COL14A1: variants seen among roughly 807,000 people sequenced by gnomAD.
COL14A1 encodes the protein collagen type XIV alpha 1 chain.
A neutral mutation model predicts 230.3 loss-of-function variants in COL14A1; 136 were observed. The observed-to-expected ratio is 0.59, with a 90% CI of 0.51 to 0.68. The LOEUF (loss-of-function observed/expected upper bound fraction) is 0.68, where lower values mean the gene tolerates loss of function less well. Ranked by LOEUF, COL14A1 falls within the 30% of genes least tolerant of loss-of-function variation. The pLI is 0.00. For missense variants in COL14A1, 1,976 were observed against 2,215.8 expected (o/e 0.89, Z 2.17); for synonymous variants, 792 against 784.1 (o/e 1.01, Z -0.17).
Position 120,243,934 on chromosome 8 carries a change from C to G in COL14A1, c.2405C>G (p.Thr802Ser). ...CTTCTGAAGCCTCTGCTTCCTGATA[C>G]TGAATACAAAGTCACAGTGACTCCC... ...NLLLKPLLPD[T>S]EYKVTVTPIY... The change falls in exon 20 of 48, where the codon ACT (threonine) becomes AGT (serine). Residue 802 changes from threonine (T) to serine (S), a missense_variant. This residue lies in a region of COL14A1 where 1,791 missense variants were observed against 2,019.5 expected (regional missense o/e 0.89). Transcript: ENST00000297848. 6.2e-7 allele frequency: 1 copy of G among 1,613,622 alleles called. No homozygotes were observed. The highest frequency in any genetic ancestry group is 8.5e-7 in the Non-Finnish European group (1 of 1,179,726).
At chr8:120,326,913 C>T (rs1384793152) in intron 40 of COL14A1, among the ~76,000 whole-genome samples, 1 of 152,066 alleles carries the variant, frequency 6.6e-6, no homozygotes, top group African/African-American at 2.4e-5. Context: ...GTAATCCCAG[C>T]TACTCAGGAG....
chr8:120,316,524 GT>G (rs1334918820), intron 40 of COL14A1, among the ~76,000 whole-genome samples: 4 of 152,056 alleles, frequency 2.6e-5, no homozygotes, highest in Admixed American at 6.6e-5. Context: ...AGTCAATAAG[GT>G]TTTACTGAAC....
intron 8 of COL14A1, among the ~76,000 whole-genome samples, 156 bp from the exon 9 acceptor site, chr8:120,203,553 G>T (rs1051388366): frequency 6.6e-6 from 1 of 151,876 alleles, no homozygotes; most frequent in African/African-American, 2.4e-5. Flanking sequence ...TTTCGTGTGC[G>T]CATTTTAAAT....
intron 4 of COL14A1, among the ~76,000 whole-genome samples, chr8:120,163,489 T>C (rs976426994): frequency 3.3e-5 from 5 of 152,096 alleles, no homozygotes; most frequent in African/African-American, 1.2e-4. Context: ...ACAGGCTGGG[T>C]GCGTTGACTC....
At chr8:120,343,067 C>G (rs1822367942) in intron 44 of COL14A1, among the ~76,000 whole-genome samples, 1 of 152,294 alleles carries the variant, frequency 6.6e-6, no homozygotes, top group Middle Eastern at 3.4e-3. Context: ...TGTCCCATTT[C>G]TTCATTTTAC....
At chr8:120,297,241 C>A (rs2130002897) in intron 34 of COL14A1, among the ~76,000 whole-genome samples, 1 of 151,874 alleles carries the variant, frequency 6.6e-6, no homozygotes, top group Non-Finnish European at 1.5e-5. Context: ...AACAGAGGAG[C>A]TAAGCTTACT....
chr8:120,247,014 G>A (rs76461739), intron 20 of COL14A1, among the ~76,000 whole-genome samples: 3,953 of 152,250 alleles, frequency 0.026, 74 homozygotes, highest in Non-Finnish European at 0.032. Context: ...TAATAAACAC[G>A]ATTGAATTCA....
At chr8:120,192,707 T>C (rs1350963673) in intron 5 of COL14A1, among the ~76,000 whole-genome samples, 5 of 152,140 alleles carry the variant, frequency 3.3e-5, no homozygotes, top group Non-Finnish European at 1.5e-5. Context: ...TTTGGTCTTT[T>C]CACGTAGTCC....
chr8:120,357,903 A>G (rs1457819671), intron 45 of COL14A1, among the ~76,000 whole-genome samples: 1 of 152,224 alleles, frequency 6.6e-6, no homozygotes, highest in Non-Finnish European at 1.5e-5. Flanking sequence ...GTTTTTGAAG[A>G]CTACTAATAC....
chr8:120,338,158 G>T (rs1431595256), intron 42 of COL14A1, among the ~76,000 whole-genome samples: 2 of 152,040 alleles, frequency 1.3e-5, no homozygotes, highest in East Asian at 3.9e-4. Flanking sequence ...AAAATGTATT[G>T]GTGCAGAAAT....
intron 14 of COL14A1, among the ~76,000 whole-genome samples, chr8:120,216,859 G>A (rs908445777): frequency 6.6e-6 from 1 of 152,190 alleles, no homozygotes; most frequent in African/African-American, 2.4e-5. Flanking sequence ...GTTGGCTCAG[G>A]AGTCCCATGA....
Position 120,250,720 on chromosome 8 carries a change from C to T in COL14A1, c.2706C>T (p.Ser902=), listed in dbSNP as rs1262216000. 6 of 1,614,204 alleles carry T rather than the reference C, an allele frequency of 3.7e-6. No individual in the cohort carries two copies. Among genetic ancestry groups the T allele is most frequent in the Non-Finnish European group, 5.1e-6 (6 of 1,180,044 alleles). The change falls in exon 22 of 48, where the codon TCC becomes TCT. Residue 902 remains serine, a synonymous_variant. Transcript: ENST00000297848. ...GMDYNVKIFA[S]QASGFSDALT... ...ACTACAATGTGAAGATATTTGCCTCCCAGGCCTCAGGCTTCAGCGACGCCC... is the reference window on the plus strand; with the variant it reads ...ACTACAATGTGAAGATATTTGCCTCTCAGGCCTCAGGCTTCAGCGACGCCC...
intron 5 of COL14A1, among the ~76,000 whole-genome samples, chr8:120,172,762 C>A (rs1315554390): frequency 6.6e-6 from 1 of 152,146 alleles, no homozygotes; most frequent in Non-Finnish European, 1.5e-5. Flanking sequence ...TTTTTCTAGT[C>A]CAGCAATTTG....
Position 120,208,280 on chromosome 8 carries a change from T to C in COL14A1, c.1240T>C (p.Ser414Pro). Residue 414 changes from serine (S) to proline (P), a missense_variant, in exon 11 of 48, where the codon TCT (serine) becomes CCT (proline). By Grantham distance (74) the Ser-to-Pro change is moderately conservative (BLOSUM62 -1). This residue lies in a region of COL14A1 where 1,791 missense variants were observed against 2,019.5 expected (regional missense o/e 0.89). Transcript: ENST00000297848. ...VSSTVLKNLM[S>P]LTEYQIAVFA... is the part of the protein sequence containing the mutation. ...TTCCACAGTGTTGAAAAACTTGATG[T>C]CTTTAACTGAATATCAGATAGCAGT... The C allele has an allele frequency of 5.0e-6, 8 of 1,613,666 alleles. No homozygotes were observed. Among genetic ancestry groups the C allele is most frequent in the Non-Finnish European group, 6.8e-6 (8 of 1,179,760 alleles).
chr8:120,216,606 C>A (rs899242069), intron 14 of COL14A1, 116 bp downstream of exon 14: 1 of 1,091,484 alleles, frequency 9.2e-7, no homozygotes, highest in Non-Finnish European at 1.3e-6. Context: ...TATTTATTGT[C>A]TCGCATAGTT....
rs190482540 is a variant in COL14A1, at chr8:120,295,827, A to G, written c.4237-1684A>G. Among the ~76,000 whole-genome samples the G allele has an allele frequency of 2.1e-3, 320 of 151,990 alleles. 2 individuals are homozygous for G. Among genetic ancestry groups the G allele is most frequent in the Admixed American group, 3.6e-3 (55 of 15,216 alleles). ...TGCTCACTTTACAGATGAGAAAACT[A>G]AGATGCCAAGACATTAAATAATTTG... is the stretch of plus-strand genomic sequence containing the variant. On this transcript the variant is annotated intron_variant, in intron 34 of 47. Transcript: ENST00000297848.
chr8:120,253,364 T>A (rs1280277597), intron 22 of COL14A1, among the ~76,000 whole-genome samples: 2 of 152,174 alleles, frequency 1.3e-5, no homozygotes, highest in Admixed American at 6.5e-5. Flanking sequence ...TTTTCCATCC[T>A]CTTTTCTCTG....
chr8:120,282,654 C>A (rs1820073762), intron 31 of COL14A1, among the ~76,000 whole-genome samples: 1 of 152,026 alleles, frequency 6.6e-6, no homozygotes, highest in Admixed American at 6.6e-5. Flanking sequence ...CAATTAATAA[C>A]TATTATGGGG....
chr8:120,313,076 T>C (rs563067334), intron 37 of COL14A1, among the ~76,000 whole-genome samples: 1 of 152,176 alleles, frequency 6.6e-6, no homozygotes, highest in South Asian at 2.1e-4. Context: ...GGAAGTAAAA[T>C]AGGCTGGGAG....
Sources: gnomAD v4.1 joint callset for allele counts (sites outside exome capture counted in the v4.1 genomes callset) on GRCh38, gnomAD v4.1.1 for gene constraint, gnomAD v4.1.1 regional missense constraint, MANE v1.5 for transcripts, NCBI Gene and HGNC (gene_info 2026-07-23, HGNC 2026-07-21) for gene names.